NAV3: variants seen among roughly 807,000 people sequenced by gnomAD.
NAV3 encodes neuron navigator 3, also known as pore membrane and/or filament interacting like protein 1.
NAV3 carries 87 observed loss-of-function variants against 244.7 expected under a neutral mutation model. The ratio of observed to expected loss-of-function variants is 0.36; its 90% CI spans 0.30 to 0.42. The LOEUF (loss-of-function observed/expected upper bound fraction) is 0.42. Ranked by LOEUF, NAV3 falls within the 20% of genes least tolerant of loss-of-function variation. The pLI, the probability that NAV3 is intolerant of heterozygous loss-of-function variation, is 1.00. For missense variants in NAV3, 2,663 were observed against 2,893.3 expected (o/e 0.92, Z 1.83); for synonymous variants, 1,126 against 1,042.2 (o/e 1.08, Z -1.55).
At chr12:77,943,677 G>A (rs1890078670) in intron 3 of NAV3, among the ~76,000 whole-genome samples, 1 of 152,156 alleles carries the variant, frequency 6.6e-6, no homozygotes, top group South Asian at 2.1e-4. Flanking sequence ...TTCCTTGATT[G>A]CATAACACTG....
At chr12:77,826,001 A>G (rs1363462286), upstream of NAV3, among the ~76,000 whole-genome samples, 1 of 152,108 alleles carries the variant, frequency 6.6e-6, no homozygotes, top group Non-Finnish European at 1.5e-5. Context: ...TCCTGAGTAG[A>G]ATGGCTAAAA....
chr12:77,917,679 G>A (rs1287532283), intron 1 of NAV3, among the ~76,000 whole-genome samples: 1 of 151,946 alleles, frequency 6.6e-6, no homozygotes, highest in African/African-American at 2.4e-5. Context: ...TGGAACTAAT[G>A]GAAGGTTAAA....
chr12:77,976,853 A>G (rs1868534268), intron 5 of NAV3, among the ~76,000 whole-genome samples: 1 of 150,798 alleles, frequency 6.6e-6, no homozygotes. Flanking sequence ...TAATTTTTGT[A>G]TTTTTAGTAG....
chr12:77,848,884 A>G (rs1565853451), intron 1 of NAV3, among the ~76,000 whole-genome samples: 1 of 152,204 alleles, frequency 6.6e-6, no homozygotes, highest in African/African-American at 2.4e-5. Flanking sequence ...AAAAAAAATC[A>G]ATATTTTCAA....
intron 2 of NAV3, among the ~76,000 whole-genome samples, chr12:77,801,811 GC>G (rs1395094118): frequency 1.3e-5 from 2 of 151,996 alleles, no homozygotes; most frequent in African/African-American, 2.4e-5. Context: ...CTAACTCTCT[GC>G]CTGTAACTGA....
At position 77,793,851 on chromosome 12, in the gene NAV3, G is replaced by T. The variant is rs145413360; in HGVS notation, c.73-146468G>T. Reference sequence around the variant, plus strand: ...TAGGTATATACCCAGTAATGGGATCGCTGGGTCAAATGGTATTTCTGGTTC... The same window carrying T: ...TAGGTATATACCCAGTAATGGGATCTCTGGGTCAAATGGTATTTCTGGTTC... On this transcript the variant is annotated intron_variant, in intron 2 of 8. Transcript: ENST00000550042. 1.3e-3 allele frequency among the ~76,000 whole-genome samples: 199 copies of T among 152,272 alleles called. 1 individual carries two copies. Among genetic ancestry groups the T allele is most frequent in the African/African-American group, 4.5e-3 (188 of 41,550 alleles).
At chr12:77,984,336 G>T (rs144932691) in intron 5 of NAV3, among the ~76,000 whole-genome samples, 1 of 152,150 alleles carries the variant, frequency 6.6e-6, no homozygotes, top group African/African-American at 2.4e-5. Context: ...TAAGAATAAC[G>T]TAACATCAAA....
At chr12:77,697,026 T>C (rs975106358) in intron 2 of NAV3, among the ~76,000 whole-genome samples, 1 of 152,138 alleles carries the variant, frequency 6.6e-6, no homozygotes, top group African/African-American at 2.4e-5. Flanking sequence ...ATGCTTCACC[T>C]TATTATAGAG....
At chr12:77,846,563 T>A (rs1426031711) in intron 1 of NAV3, among the ~76,000 whole-genome samples, 1 of 152,176 alleles carries the variant, frequency 6.6e-6, no homozygotes, top group East Asian at 1.9e-4. Flanking sequence ...TGAGTCCAAT[T>A]TCCTTGATTT....
At position 78,179,550 on chromosome 12, in the gene NAV3, T is replaced by C. The variant is rs1958411708; in HGVS notation, c.5385T>C (p.Ala1795=). Residue 1795 remains alanine (A), a synonymous_variant, in exon 29 of 40, where the codon GCT becomes GCC. Coordinates refer to ENST00000397909, the MANE Select transcript of NAV3 (RefSeq NM_001024383.2). ...HRSRICECTE[A]EAEIILQLKS... Reference sequence around the variant, plus strand: ...TCAGGATCTGTGAATGCACAGAAGCTGAGGCAGAGATAATTCTGCAGCTGA... The same window carrying C: ...TCAGGATCTGTGAATGCACAGAAGCCGAGGCAGAGATAATTCTGCAGCTGA... 6.2e-7 allele frequency: 1 copy of C among 1,613,150 alleles called. No individual in the cohort carries two copies. The highest frequency in any genetic ancestry group is 1.1e-5 in the South Asian group (1 of 91,060).
At chr12:77,870,363 CAA>C (rs34447700) in intron 1 of NAV3, among the ~76,000 whole-genome samples, 11,808 of 109,428 alleles carry the variant, frequency 0.11, 536 homozygotes, top group East Asian at 0.23. Flanking sequence ...GACTCCATCT[CAA>C]AAAAAAAAAA....
At chr12:77,703,803 G>C (rs1875668746) in intron 2 of NAV3, among the ~76,000 whole-genome samples, 1 of 152,178 alleles carries the variant, frequency 6.6e-6, no homozygotes, top group Non-Finnish European at 1.5e-5. Flanking sequence ...GATCCTGTCA[G>C]TAGAAGAATG....
chr12:77,884,269 T>C (rs1883016831), intron 1 of NAV3, among the ~76,000 whole-genome samples: 1 of 152,062 alleles, frequency 6.6e-6, no homozygotes, highest in South Asian at 2.1e-4. Flanking sequence ...GATTAGATGA[T>C]GATTGATTGA....
At chr12:77,918,301 C>T (rs1887363362) in intron 1 of NAV3, among the ~76,000 whole-genome samples, 1 of 152,054 alleles carries the variant, frequency 6.6e-6, no homozygotes, top group Non-Finnish European at 1.5e-5. Context: ...ACTGTATTAA[C>T]TTGCATAATT....
At chr12:77,746,392 A>C (rs1452122266) in intron 2 of NAV3, among the ~76,000 whole-genome samples, 1 of 152,104 alleles carries the variant, frequency 6.6e-6, no homozygotes, top group East Asian at 1.9e-4. Context: ...CCTGTTTCGT[A>C]TAAACAGTGA....
At chr12:77,926,085 T>TC (rs775357240) in intron 1 of NAV3, among the ~76,000 whole-genome samples, 3 of 152,172 alleles carry the variant, frequency 2.0e-5, no homozygotes, top group Non-Finnish European at 4.4e-5. Context: ...GGATTAGTAC[T>TC]CCCTGTGCAC....
At chr12:77,940,139 T>C (rs556592223) in intron 1 of NAV3, 180 bp from the exon 2 acceptor site, 110 of 567,478 alleles carry the variant, frequency 1.9e-4, no homozygotes, top group African/African-American at 1.7e-3. Context: ...AAATGAGAGA[T>C]AAGTTGGGGA....
At chr12:78,160,635 A>G (rs1042466203) in intron 23 of NAV3, among the ~76,000 whole-genome samples, 6 of 152,136 alleles carry the variant, frequency 3.9e-5, no homozygotes, top group Non-Finnish European at 7.4e-5. Flanking sequence ...GTCACTTTAC[A>G]AAAGTTTATT....
intron 12 of NAV3, among the ~76,000 whole-genome samples, chr12:78,110,287 T>A: frequency 6.6e-6 from 1 of 151,894 alleles, no homozygotes; most frequent in Non-Finnish European, 1.5e-5. Flanking sequence ...AAATTAAGGA[T>A]TAAACAAACA....
Sources: gnomAD v4.1 joint callset for allele counts (sites outside exome capture counted in the v4.1 genomes callset) on GRCh38, gnomAD v4.1.1 for gene constraint, MANE v1.5 for transcripts, NCBI Gene and HGNC (gene_info 2026-07-23, HGNC 2026-07-21) for gene names.